Variants in TRIM9 observed in about 807,000 individuals in gnomAD.
TRIM9 encodes tripartite motif containing 9.
A neutral mutation model predicts 78.3 loss-of-function variants in TRIM9; 26 were observed. That is an observed-to-expected ratio of 0.33 (90% CI 0.24 to 0.46). The LOEUF (loss-of-function observed/expected upper bound fraction) is 0.46. Ranked by LOEUF, TRIM9 falls within the 20% of genes least tolerant of loss-of-function variation. The pLI is 1.00. For synonymous variants in TRIM9, 398 were observed against 416.5 expected (o/e 0.96, Z 0.54); for missense variants, 787 against 1,036.4 (o/e 0.76, Z 3.30).
intron 1 of TRIM9, among the ~76,000 whole-genome samples, chr14:51,069,694 A>G (rs1003388989): frequency 1.3e-5 from 2 of 152,340 alleles, no homozygotes; most frequent in Middle Eastern, 3.4e-3. Context: ...TTTCTCTTGG[A>G]AGATCTGCCA....
chr14:51,066,164 C>A (rs955666173), intron 1 of TRIM9, among the ~76,000 whole-genome samples: 31 of 151,944 alleles, frequency 2.0e-4, no homozygotes, highest in Non-Finnish European at 3.1e-4. Flanking sequence ...CACCATATCT[C>A]CTCCAGTTAC....
intron 1 of TRIM9, among the ~76,000 whole-genome samples, chr14:51,082,733 C>T (rs10140156): frequency 0.039 from 5,881 of 152,222 alleles, 153 homozygotes; most frequent in South Asian, 0.086. Context: ...TTGAATTACA[C>T]ACTTTAAAAA....
At chr14:51,014,483 T>G (rs1053600092) in intron 3 of TRIM9, among the ~76,000 whole-genome samples, 1 of 152,172 alleles carries the variant, frequency 6.6e-6, no homozygotes, top group Non-Finnish European at 1.5e-5. Context: ...ATGATCACAA[T>G]AGCTTGTGAT....
chr14:51,045,417 C>T (rs2059879021), intron 1 of TRIM9, among the ~76,000 whole-genome samples: 1 of 152,162 alleles, frequency 6.6e-6, no homozygotes, highest in African/African-American at 2.4e-5. Flanking sequence ...TTAGAGCTAC[C>T]AGGATGGGCT....
chr14:50,982,873 A>T, intron 10 of TRIM9, 69 bp downstream of exon 10: 1 of 1,414,794 alleles, frequency 7.1e-7, no homozygotes, highest in Non-Finnish European at 9.7e-7. Flanking sequence ...CTGATTTATT[A>T]AACCTGTGAG....
At chr14:50,990,242 C>T (rs60882861) in intron 7 of TRIM9, among the ~76,000 whole-genome samples, 33,628 of 152,000 alleles carry the variant, frequency 0.22, 4,660 homozygotes, top group South Asian at 0.48. Flanking sequence ...GGTCTCAAAC[C>T]ACTGGCCTCA....
intron 1 of TRIM9, among the ~76,000 whole-genome samples, chr14:51,058,351 A>C (rs1206977249): frequency 6.6e-6 from 1 of 152,060 alleles, no homozygotes; most frequent in Non-Finnish European, 1.5e-5. Context: ...TGCCTTGCCT[A>C]CTCTAACGAC....
In TRIM9 at chr14:51,094,211, T is replaced by C. The variant is rs754133642; in HGVS notation, c.729A>G (p.Gln243=). 22 of 1,614,228 alleles carry C rather than the reference T, an allele frequency of 1.4e-5. 1 individual carries two copies. In the South Asian group the frequency reaches 2.1e-4, roughly 15 times the overall value. The part of the protein sequence containing the change: ...ELENHSMYCV[Q]CKMPVCYQCL... Reference sequence around the variant, plus strand: ...ACTGGTAGCACACGGGCATCTTGCATTGCACGCAGTACATGCTGTGGTTCT... The same window carrying C: ...ACTGGTAGCACACGGGCATCTTGCACTGCACGCAGTACATGCTGTGGTTCT... The change falls in exon 1 of 13, where the codon CAA becomes CAG. Residue 243 remains glutamine (Q), a synonymous_variant. Coordinates refer to ENST00000684578, the MANE Select transcript of TRIM9 (RefSeq NM_001387360.1).
chr14:51,094,479 A>G lies in TRIM9; in HGVS notation c.461T>C (p.Val154Ala). Residue 154 changes from valine (V) to alanine (A), a missense_variant, in exon 1 of 13, where the codon GTA becomes GCA. Around this residue, in one of 3 missense-constraint regions of TRIM9, gnomAD observed 352 missense variants for 472.3 expected, o/e 0.75. Transcript: ENST00000684578. ...TTTGCTCTGCTGGTAGCGGTCAATT[A>G]CCCCTTCCAGTACGCGATTCTTGGG... ...GFPKNRVLEG[V>A]IDRYQQSKAA... The G allele has an allele frequency of 6.2e-7, 1 of 1,613,386 alleles. No homozygotes were observed. Among genetic ancestry groups the G allele is most frequent in the Non-Finnish European group, 8.5e-7 (1 of 1,179,922 alleles).
Position 51,025,365 on chromosome 14 carries a change from A to C in TRIM9, c.823-5T>G. ...CAGCGCCTGGGAGAGCTGGCTCTGC[A>C]AAGACAAAGAAGGAAGCCATGGAGC... On this transcript the variant is annotated splice_region_variant and splice_polypyrimidine_tract_variant and intron_variant, in intron 1 of 12. Coordinates refer to ENST00000684578, the MANE Select transcript of TRIM9 (RefSeq NM_001387360.1). 6.2e-7 allele frequency: 1 copy of C among 1,613,896 alleles called. No homozygotes were observed. The highest frequency in any genetic ancestry group is 8.5e-7 in the Non-Finnish European group (1 of 1,179,872).
chr14:50,984,091 T>C (rs1162397301), intron 8 of TRIM9, among the ~76,000 whole-genome samples: 3 of 152,126 alleles, frequency 2.0e-5, no homozygotes. Context: ...TCCTTAAGAT[T>C]TGGATACCTG....
At chr14:51,062,018 T>C (rs1242255401) in intron 1 of TRIM9, among the ~76,000 whole-genome samples, 1 of 152,250 alleles carries the variant, frequency 6.6e-6, no homozygotes, top group Non-Finnish European at 1.5e-5. Flanking sequence ...AGATTATTTC[T>C]GAAGTGCGTT....
intron 1 of TRIM9, chr14:51,091,392 A>G (rs1052140214): frequency 1.3e-5 from 2 of 152,222 alleles, no homozygotes; most frequent in African/African-American, 4.8e-5. Context: ...ATGAATGACA[A>G]CTTTTCAGGT....
intron 1 of TRIM9, among the ~76,000 whole-genome samples, chr14:51,038,598 A>G (rs11157792): frequency 0.41 from 62,376 of 152,098 alleles, 13,436 homozygotes; most frequent in African/African-American, 0.5. Flanking sequence ...CTGGCCCACT[A>G]CAACAATGTG....
At chr14:50,979,172 A>G (rs959555932) in intron 12 of TRIM9, 67 of 1,437,406 alleles carry the variant, frequency 4.7e-5, no homozygotes, top group Non-Finnish European at 6.0e-5. Flanking sequence ...TGTGCTATTA[A>G]CTAGTCTGCG....
chr14:51,017,779 C>T (rs1183928046), intron 3 of TRIM9, among the ~76,000 whole-genome samples: 1 of 152,192 alleles, frequency 6.6e-6, no homozygotes, highest in Non-Finnish European at 1.5e-5. Flanking sequence ...CTGAGACTGA[C>T]TTTGATTGGC....
At chr14:51,035,380 A>T (rs767059962) in intron 1 of TRIM9, among the ~76,000 whole-genome samples, 9 of 152,234 alleles carry the variant, frequency 5.9e-5, no homozygotes, top group Non-Finnish European at 1.2e-4. Flanking sequence ...CTTTCTTAGC[A>T]CTAATATTTG....
At chr14:51,010,240 C>G in intron 4 of TRIM9, 144 bp downstream of exon 4, 2 of 561,330 alleles carry the variant, frequency 3.6e-6, no homozygotes, top group Non-Finnish European at 6.3e-6. Flanking sequence ...CCGGCACTTA[C>G]TTCCATGTAC....
At chr14:51,084,463 T>G (rs1266146964) in intron 1 of TRIM9, among the ~76,000 whole-genome samples, 1 of 152,222 alleles carries the variant, frequency 6.6e-6, no homozygotes, top group Non-Finnish European at 1.5e-5. Flanking sequence ...TCATTCAGCT[T>G]CATACTGCAT....
Sources: allele counts gnomAD v4.1 joint callset (sites outside exome capture counted in the v4.1 genomes callset), GRCh38; gene constraint gnomAD v4.1.1; regional missense constraint gnomAD v4.1.1; transcripts MANE v1.5; gene names NCBI Gene and HGNC (gene_info 2026-07-23, HGNC 2026-07-21).